WWC2: variants seen among roughly 807,000 people sequenced by gnomAD.
WWC2 encodes the protein protein WWC2.
Under a neutral mutation model 138.5 loss-of-function variants are expected in WWC2, and 101 were observed. The observed-to-expected ratio is 0.73, with a 90% CI of 0.62 to 0.86. WWC2 has a LOEUF of 0.86. Among genes scored for constraint, WWC2 ranks in the 40% least tolerant of loss-of-function variants. The pLI, the probability that WWC2 is intolerant of heterozygous loss-of-function variation, is 0.00. For missense variants in WWC2, 1,420 were observed against 1,419.4 expected (o/e 1.00, Z -0.01); for synonymous variants, 558 against 538.4 (o/e 1.04, Z -0.50).
chr4:183,280,463 G>A (rs993963226), intron 16 of WWC2, among the ~76,000 whole-genome samples: 1 of 151,944 alleles, frequency 6.6e-6, no homozygotes, highest in Non-Finnish European at 1.5e-5. Context: ...AGTCTGTTTA[G>A]CCCATGTACC....
chr4:183,132,711 C>A (rs1732965178), intron 1 of WWC2, among the ~76,000 whole-genome samples: 1 of 152,118 alleles, frequency 6.6e-6, no homozygotes, highest in Non-Finnish European at 1.5e-5. Context: ...CCTCAGCCTC[C>A]CAAAGTGCTG....
At chr4:183,276,972 T>TTATTA (rs1737876538) in intron 16 of WWC2, among the ~76,000 whole-genome samples, 19 of 150,286 alleles carry the variant, frequency 1.3e-4, no homozygotes, top group African/African-American at 4.1e-4. Flanking sequence ...TCATTTCTTT[T>TTATTA]TTATTATTAT....
At chr4:183,246,076 G>A (rs1184287919) in intron 6 of WWC2, among the ~76,000 whole-genome samples, 1 of 152,186 alleles carries the variant, frequency 6.6e-6, no homozygotes, top group Non-Finnish European at 1.5e-5. Flanking sequence ...CCCTAGCAAA[G>A]CTGCCAATGG....
intron 14 of WWC2, among the ~76,000 whole-genome samples, chr4:183,266,407 ACTTC>A (rs1737506974): frequency 6.6e-6 from 1 of 152,210 alleles, no homozygotes; most frequent in Non-Finnish European, 1.5e-5. Flanking sequence ...TCAAGCATTT[ACTTC>A]CCTGTGACCA....
chr4:183,269,372 G>C (rs762666163), intron 15 of WWC2: 83 of 714,216 alleles, frequency 1.2e-4, no homozygotes, highest in Non-Finnish European at 1.8e-4. Context: ...CTTATAAATT[G>C]TGATTTTCTG....
chr4:183,285,910 TC>T, intron 19 of WWC2, 56 bp from the exon 20 acceptor site: 2 of 1,484,896 alleles, frequency 1.3e-6, no homozygotes, highest in Middle Eastern at 3.5e-4. Context: ...ATCCCAAACT[TC>T]CACTTGCACT....
At chr4:183,136,039 A>T (rs1733102716) in intron 1 of WWC2, among the ~76,000 whole-genome samples, 1 of 150,046 alleles carries the variant, frequency 6.7e-6, no homozygotes, top group African/African-American at 2.5e-5. Context: ...TTTTCTTGTT[A>T]TCTGTGGTGT....
intron 9 of WWC2, 48 bp downstream of exon 9, chr4:183,254,047 T>C (rs1737065026): frequency 6.3e-7 from 1 of 1,584,550 alleles, no homozygotes; most frequent in African/African-American, 1.4e-5. Context: ...TGTGGGGGTG[T>C]CTTAACTGGA....
In WWC2 at chr4:183,284,406, TCGTG is replaced by T; in HGVS notation, c.3048+17_3048+20del. 6.2e-7 allele frequency: 1 copy of T among 1,607,694 alleles called. No homozygotes were observed. The highest frequency in any genetic ancestry group is 8.5e-7 in the Non-Finnish European group (1 of 1,178,680). On this transcript the variant is annotated intron_variant, in intron 19 of 22. Transcript: ENST00000403733. ...CATCTGCAGGGTAAGGTGGCAGTGC[TCGTG>T]GTGAGGCGCTGGGACTGCAGCTTCT...
chr4:183,261,480 G>A lies in WWC2; in HGVS notation c.1857G>A (p.Glu619=), dbSNP rs753009210. 1.9e-6 allele frequency: 3 copies of A among 1,612,920 alleles called. No individual in the cohort carries two copies. Among genetic ancestry groups the A allele is most frequent in the East Asian group, 2.2e-5 (1 of 44,864 alleles). ...GAGGAGCCTCCCAGTCTCTTTCAGA[G>A]GATAAAGACCTTAATGAATGTGCTA... ...DSGGASQSLS[E]DKDLNECARE... is the part of the protein sequence containing the mutation. The change falls in exon 11 of 23, where the codon GAG becomes GAA. Residue 619 remains glutamate (E), a synonymous_variant. Transcript: ENST00000403733.
At position 183,264,162 on chromosome 4, in the gene WWC2, GCAAT is replaced by G. The variant is rs369581395; in HGVS notation, c.1910-810_1910-807del. 6.8e-3 allele frequency among the ~76,000 whole-genome samples: 1,038 copies of G among 152,350 alleles called. 6 individuals carry two copies. Among genetic ancestry groups the G allele is most frequent in the Non-Finnish European group, 0.01 (708 of 68,036 alleles). On this transcript the variant is annotated intron_variant, in intron 11 of 22. Transcript: ENST00000403733. ...TGCCAGAAATAAAGTGGAAAATGCA[GCAAT>G]CAATCCTGTAATCTGAAGCCTTAAA...
chr4:183,205,965 C>T (rs897543815), intron 2 of WWC2, among the ~76,000 whole-genome samples: 3 of 152,190 alleles, frequency 2.0e-5, no homozygotes, highest in African/African-American at 7.2e-5. Flanking sequence ...ATTTCTGGAA[C>T]TTCTCCAGTC....
intron 9 of WWC2, among the ~76,000 whole-genome samples, chr4:183,257,403 C>T (rs1453901781): frequency 6.6e-6 from 1 of 152,088 alleles, no homozygotes; most frequent in Non-Finnish European, 1.5e-5. Flanking sequence ...TCCTGCAGGG[C>T]ACTGAGGGCA....
At chr4:183,195,779 G>A (rs191632374) in intron 2 of WWC2, among the ~76,000 whole-genome samples, 8 of 152,290 alleles carry the variant, frequency 5.3e-5, no homozygotes, top group Admixed American at 2.0e-4. Flanking sequence ...GCTGAAAGCT[G>A]TAGTCTGCAA....
chr4:183,195,964 T>G (rs1189315708), intron 2 of WWC2, among the ~76,000 whole-genome samples: 2 of 152,126 alleles, frequency 1.3e-5, no homozygotes, highest in African/African-American at 4.8e-5. Context: ...TGGGAGTGGA[T>G]TTCTCCTGGT....
chr4:183,319,573 T>G lies in WWC2; in HGVS notation c.*3844T>G, dbSNP rs1323830885. The stretch of plus-strand genomic sequence containing the variant: ...TTTCTGGCTTAGTGTTTCAGGTTGG[T>G]GTTTCTCGTCTCCAGTTCTTGATGA... On this transcript the variant is annotated 3_prime_UTR_variant, in exon 23 of 23. Transcript: ENST00000403733. 17 of 1,612,140 alleles carry G rather than the reference T, an allele frequency of 1.1e-5. No individual in the cohort carries two copies. The highest frequency in any genetic ancestry group is 1.7e-5 in the Admixed American group (1 of 59,796).
rs754306538 is a variant in WWC2 at position 183,240,272 on chromosome 4, A to G, written c.602+10A>G. The G allele has an allele frequency of 7.8e-6, 12 of 1,541,648 alleles. No homozygotes were observed. The highest frequency in any genetic ancestry group is 1.0e-5 in the Non-Finnish European group (12 of 1,143,536). ...TTGAAACATTGCAGCAGTGAGTATG[A>G]AAAGACTGAATCAACTTTAGAATAA... On this transcript the variant is annotated intron_variant, in intron 5 of 22. Transcript: ENST00000403733.
chr4:183,239,387 T>C (rs1736542859), intron 4 of WWC2, among the ~76,000 whole-genome samples: 1 of 152,178 alleles, frequency 6.6e-6, no homozygotes, highest in Non-Finnish European at 1.5e-5. Flanking sequence ...TTTCTAACCC[T>C]TGTGAGAAGA....
At chr4:183,236,281 A>C (rs6854270) in intron 4 of WWC2, among the ~76,000 whole-genome samples, 65,064 of 152,016 alleles carry the variant, frequency 0.43, 14,712 homozygotes, top group African/African-American at 0.56. Flanking sequence ...AAAACTTCAG[A>C]CGAATTAAAT....
Sources: allele counts gnomAD v4.1 joint callset (sites outside exome capture counted in the v4.1 genomes callset), GRCh38; gene constraint gnomAD v4.1.1; transcripts MANE v1.5; gene names NCBI Gene and HGNC (gene_info 2026-07-23, HGNC 2026-07-21).